The following ZNF254 variants were observed in gnomAD, a reference collection of about 807,000 sequenced individuals.
ZNF254 encodes the protein zinc finger protein 254.
In ZNF254, 10 loss-of-function variants were observed where a neutral mutation model predicts 12.4. The ratio of observed to expected loss-of-function variants is 0.80; its 90% CI spans 0.50 to 1.36. The LOEUF (loss-of-function observed/expected upper bound fraction) is 1.36, where lower values mean the gene tolerates loss of function less well. Ranked by LOEUF, ZNF254 falls within the 40% of genes most tolerant of loss-of-function variation. ZNF254 has a pLI of 0.00. For missense variants in ZNF254, 996 were observed against 763.9 expected, an observed-to-expected ratio of 1.30 and a Z score of -3.58; for synonymous variants, 305 against 253.4, an observed-to-expected ratio of 1.20 and a Z score of -1.93.
At position 24,126,703 on chromosome 19, in the gene ZNF254, G is replaced by C; in HGVS notation, c.703G>C (p.Glu235Gln). Reference sequence around the variant, plus strand: ...TAATCATAGGAAAATTTATACTGAAGAGAAACCTTACAAATGTGAAGAATA... The same window carrying C: ...TAATCATAGGAAAATTTATACTGAACAGAAACCTTACAAATGTGAAGAATA... ...LTNHRKIYTE[E>Q]KPYKCEEYNK... Residue 235 changes from glutamate to glutamine, a missense_variant, in exon 4 of 4, where the codon GAG becomes CAG. Physicochemically the swap from Glu to Gln is conservative, Grantham distance 29 (BLOSUM62 2). Transcript: ENST00000357002. 6.2e-7 allele frequency: 1 copy of C among 1,613,362 alleles called. No individual in the cohort carries two copies.
intron 3 of ZNF254, among the ~76,000 whole-genome samples, chr19:24,115,291 A>G (rs1212759978): frequency 6.6e-6 from 1 of 152,150 alleles, no homozygotes; most frequent in Non-Finnish European, 1.5e-5. Context: ...TCCAACAATG[A>G]TAGACTGGAT....
intron 2 of ZNF254, among the ~76,000 whole-genome samples, chr19:24,076,483 T>A (rs549013974): frequency 6.6e-6 from 1 of 152,290 alleles, no homozygotes; most frequent in South Asian, 2.1e-4. Context: ...AAAGTGTATC[T>A]TGTGCTGATC....
rs565650726 is a variant in ZNF254, at chr19:24,099,411, G to A, written c.31-6529G>A. Among the ~76,000 whole-genome samples the A allele has an allele frequency of 3.3e-5, 5 of 152,232 alleles. No homozygotes were observed. In the South Asian group the frequency reaches 1.0e-3, roughly 32 times the overall value. On this transcript the variant is annotated intron_variant, in intron 1 of 3. Transcript: ENST00000357002. ...CCTGCGCTATGGGCTGTATGTCAGT[G>A]GCAGGTGGTACGAAACAGAAGAGGA...
At position 24,044,220 on chromosome 19, in the gene ZNF254, CAG is replaced by C. The variant is rs551890074; in HGVS notation, c.-189-1961_-189-1960del. The stretch of plus-strand genomic sequence containing the variant: ...ACACTACTGCACTCCATCCTGGCGA[CAG>C]AGCAAGACTCCGTTTAAAAAAAAAA... On this transcript the variant is annotated intron_variant, in intron 1 of 4. Transcript: ENST00000613065. 2.1e-3 allele frequency among the ~76,000 whole-genome samples: 292 copies of C among 136,556 alleles called. 1 individual carries two copies. Among genetic ancestry groups the C allele is most frequent in the African/African-American group, 7.9e-3 (283 of 35,676 alleles). The allele number at this position is 136,556 out of a possible 152,430, so 89.6% of individuals were successfully genotyped here.
At chr19:24,036,005 AC>A (rs1324380995) in intron 1 of ZNF254, among the ~76,000 whole-genome samples, 1 of 151,912 alleles carries the variant, frequency 6.6e-6, no homozygotes, top group Admixed American at 6.6e-5. Flanking sequence ...GCTTTTCCTG[AC>A]TTGTGTGTTT....
chr19:24,045,667 CAAAAA>C (rs35872820), intron 1 of ZNF254, among the ~76,000 whole-genome samples: 21,080 of 88,648 alleles, frequency 0.24, 1,689 homozygotes, highest in Middle Eastern at 0.3. Flanking sequence ...GACTCTGTCT[CAAAAA>C]AAAAAAAAAA....
intron 2 of ZNF254, among the ~76,000 whole-genome samples, chr19:24,060,869 C>A (rs907329463): frequency 1.3e-5 from 2 of 152,170 alleles, no homozygotes; most frequent in African/African-American, 2.4e-5. Flanking sequence ...TACTCAGCAC[C>A]TTGATTATGT....
intron 2 of ZNF254, among the ~76,000 whole-genome samples, chr19:24,064,837 A>C (rs549029322): frequency 6.6e-6 from 1 of 152,248 alleles, no homozygotes; most frequent in South Asian, 2.1e-4. Flanking sequence ...GGCATCATGT[A>C]TTTCAACATG....
At chr19:24,117,745 G>A (rs1407905168) in intron 3 of ZNF254, among the ~76,000 whole-genome samples, 5 of 152,054 alleles carry the variant, frequency 3.3e-5, no homozygotes, top group East Asian at 1.9e-4. Flanking sequence ...AGATGAACCC[G>A]GTACCTCGGA....
chr19:24,072,635 A>G (rs1971523152), intron 2 of ZNF254, among the ~76,000 whole-genome samples: 2 of 152,206 alleles, frequency 1.3e-5, no homozygotes, highest in Admixed American at 1.3e-4. Flanking sequence ...TTCCATCTGC[A>G]CCATGACCAC....
rs1284891737 is a variant in ZNF254 at position 24,106,389 on chromosome 19, T to TTAAAA, written c.158-156_158-152dup. The TTAAAA allele has an allele frequency of 6.7e-6, 4 of 592,748 alleles. No individual in the cohort carries two copies. The Admixed American group carries it at 1.2e-4, about 18-fold the overall frequency. 36.7% of individuals were successfully genotyped at this position (592,748 alleles called of 1,614,324 possible). ...GCAGTGAAATTAAGAACCTAAAAAATTAAAATATTTCCTAAATATTTAAAA... is the reference window on the plus strand; with the variant it reads ...GCAGTGAAATTAAGAACCTAAAAAATTAAAATAAAATATTTCCTAAATATTTAAAA... On this transcript the variant is annotated intron_variant, in intron 2 of 3. Coordinates refer to ENST00000357002, the MANE Select transcript of ZNF254 (RefSeq NM_203282.4).
chr19:24,073,928 G>A (rs973758618), intron 2 of ZNF254, among the ~76,000 whole-genome samples: 1 of 152,176 alleles, frequency 6.6e-6, no homozygotes, highest in Non-Finnish European at 1.5e-5. Context: ...CAGCACCTGA[G>A]TAATTTGATT....
At chr19:24,084,552 AAATAAT>A (rs922578500), upstream of ZNF254, among the ~76,000 whole-genome samples, 6 of 151,802 alleles carry the variant, frequency 4.0e-5, no homozygotes, top group African/African-American at 1.2e-4. Flanking sequence ...AAAACTTTGG[AAATAAT>A]AATAATAATA....
intron 1 of ZNF254, among the ~76,000 whole-genome samples, chr19:24,041,749 G>A (rs1486222500): frequency 6.6e-6 from 1 of 152,268 alleles, no homozygotes; most frequent in Non-Finnish European, 1.5e-5. Context: ...CCCGGTGCGG[G>A]ATCCACTAGG....
At chr19:24,100,488 T>G (rs534870066) in intron 1 of ZNF254, among the ~76,000 whole-genome samples, 60 of 152,264 alleles carry the variant, frequency 3.9e-4, no homozygotes, top group African/African-American at 1.3e-3. Context: ...CAATTACATC[T>G]TTCTCCCTTC....
rs749774094 is a variant in ZNF254 at position 24,127,636 on chromosome 19, T to C, written c.1636T>C (p.Tyr546His). Residue 546 changes from tyrosine to histidine, a missense_variant, in exon 4 of 4, where the codon TAC (tyrosine) becomes CAC (histidine). Tyr to His is a moderately conservative substitution (Grantham distance 83). Transcript: ENST00000357002. ...HKIIHTEEKP[Y>H]KCEKCGKAFK... Reference sequence around the variant, plus strand: ...GATAATTCATACTGAAGAGAAACCCTACAAATGTGAAAAATGTGGCAAAGC... The same window carrying C: ...GATAATTCATACTGAAGAGAAACCCCACAAATGTGAAAAATGTGGCAAAGC... 9.3e-6 allele frequency: 15 copies of C among 1,610,956 alleles called. No homozygotes were observed. Among genetic ancestry groups the C allele is most frequent in the Non-Finnish European group, 1.3e-5 (15 of 1,178,328 alleles).
At chr19:24,082,482 TAAAA>T (rs748512682), upstream of ZNF254, among the ~76,000 whole-genome samples, 1 of 70,332 alleles carries the variant, frequency 1.4e-5, no homozygotes, top group Non-Finnish European at 2.7e-5. Flanking sequence ...CCATCTATAC[TAAAA>T]AAAAAAAAAA....
At chr19:24,036,513 C>T (rs997322145) in intron 1 of ZNF254, among the ~76,000 whole-genome samples, 35 of 152,228 alleles carry the variant, frequency 2.3e-4, no homozygotes, top group South Asian at 2.1e-4. Context: ...TGTTGTGGGA[C>T]TGAGCCCTGA....
At chr19:24,125,263 G>A (rs1299870869) in intron 3 of ZNF254, among the ~76,000 whole-genome samples, 1 of 75,646 alleles carries the variant, frequency 1.3e-5, no homozygotes, top group Non-Finnish European at 2.9e-5. Context: ...CAGTTTTTTT[G>A]TGTATATTTT....
Sources: gnomAD v4.1 joint callset for allele counts (sites outside exome capture counted in the v4.1 genomes callset) on GRCh38, gnomAD v4.1.1 for gene constraint, MANE v1.5 for transcripts, NCBI Gene and HGNC (gene_info 2026-07-23, HGNC 2026-07-21) for gene names.